The following NTRK2 variants were observed in gnomAD, a reference collection of about 807,000 sequenced individuals.
NTRK2 encodes the protein BDNF/NT-3 growth factors receptor.
Under a neutral mutation model 94.5 loss-of-function variants are expected in NTRK2, and 13 were observed. That is an observed-to-expected ratio of 0.14 (90% CI 0.09 to 0.22). NTRK2 has a LOEUF of 0.22. Ranked by LOEUF, NTRK2 falls within the 10% of genes least tolerant of loss-of-function variation. The pLI is 1.00. For missense variants in NTRK2, 639 were observed against 1,071.2 expected, an observed-to-expected ratio of 0.60 and a Z score of 5.63; for synonymous variants, 372 against 407.4, an observed-to-expected ratio of 0.91 and a Z score of 1.05.
chr9:84,784,635 C>T (rs1483655284), intron 12 of NTRK2, among the ~76,000 whole-genome samples: 5 of 152,222 alleles, frequency 3.3e-5, no homozygotes, highest in African/African-American at 1.2e-4. Flanking sequence ...TAAAACTCTT[C>T]ATTCACATGC....
intron 12 of NTRK2, among the ~76,000 whole-genome samples, chr9:84,817,008 C>T (rs1047921354): frequency 6.6e-6 from 1 of 152,080 alleles, no homozygotes. Flanking sequence ...TTCACTGCTC[C>T]GTGCTTCAAT....
At chr9:84,824,002 G>T (rs976838550) in intron 12 of NTRK2, among the ~76,000 whole-genome samples, 2 of 152,150 alleles carry the variant, frequency 1.3e-5, no homozygotes, top group Non-Finnish European at 2.9e-5. Flanking sequence ...CAGGACAGTG[G>T]GGGAGGAGCT....
intron 14 of NTRK2, among the ~76,000 whole-genome samples, chr9:84,902,440 G>A (rs1386080653): frequency 1.3e-5 from 2 of 152,142 alleles, no homozygotes. Flanking sequence ...GAGGGGAGGT[G>A]AAAATCTTTA....
At chr9:84,837,306 G>A (rs2073934412) in intron 12 of NTRK2, among the ~76,000 whole-genome samples, 2 of 152,084 alleles carry the variant, frequency 1.3e-5, no homozygotes, top group Admixed American at 1.3e-4. Flanking sequence ...AAACTAGGGG[G>A]TTTGGCTATG....
At chr9:84,966,035 ATTGG>A (rs1825520372) in intron 17 of NTRK2, among the ~76,000 whole-genome samples, 1 of 152,192 alleles carries the variant, frequency 6.6e-6, no homozygotes, top group Non-Finnish European at 1.5e-5. Flanking sequence ...TGATCATCCT[ATTGG>A]TGACCATAAG....
chr9:84,793,870 T>C (rs1254862454), intron 12 of NTRK2, among the ~76,000 whole-genome samples: 1 of 152,238 alleles, frequency 6.6e-6, no homozygotes, highest in East Asian at 1.9e-4. Context: ...TTACATATTG[T>C]CGATGCCTGC....
intron 12 of NTRK2, among the ~76,000 whole-genome samples, chr9:84,800,173 C>T (rs1472264587): frequency 6.6e-6 from 1 of 151,650 alleles, no homozygotes; most frequent in Non-Finnish European, 1.5e-5. Context: ...TCTAGAACAA[C>T]TGGAAGCCGA....
chr9:84,669,170 C>G (rs1416739698), upstream of NTRK2: 3 of 152,272 alleles, frequency 2.0e-5, no homozygotes, highest in Non-Finnish European at 4.4e-5. The surrounding 1 kb of genome is among the most constrained non-coding windows in gnomAD (Gnocchi z 4.1). Context: ...ATGCAGAACA[C>G]GTTTTGGTGT....
intron 14 of NTRK2, among the ~76,000 whole-genome samples, chr9:84,914,607 G>A (rs2077339708): frequency 1.3e-5 from 2 of 152,158 alleles, no homozygotes; most frequent in African/African-American, 2.4e-5. Context: ...TGTTGGATGC[G>A]GGTAGGAGTG....
chr9:84,715,443 TCA>T (rs1052694332), intron 6 of NTRK2, among the ~76,000 whole-genome samples: 1 of 152,178 alleles, frequency 6.6e-6, no homozygotes, highest in Admixed American at 6.5e-5. Context: ...TCAAAATGCC[TCA>T]CAATATTTTT....
intron 17 of NTRK2, among the ~76,000 whole-genome samples, chr9:84,974,770 A>T (rs577093079): frequency 6.6e-6 from 1 of 152,174 alleles, no homozygotes; most frequent in East Asian, 1.9e-4. Flanking sequence ...AGAACTTCCA[A>T]GTGGAGGTGC....
At chr9:84,839,623 C>T (rs890849732) in intron 12 of NTRK2, among the ~76,000 whole-genome samples, 1 of 152,146 alleles carries the variant, frequency 6.6e-6, no homozygotes, top group African/African-American at 2.4e-5. Flanking sequence ...TGTGCTGAAT[C>T]GGGCTGAGCG....
chr9:84,735,962 G>A (rs545634998), intron 9 of NTRK2, among the ~76,000 whole-genome samples: 153 of 152,326 alleles, frequency 1.0e-3, no homozygotes, highest in Middle Eastern at 3.4e-3. Context: ...GAAGAAACCT[G>A]AAGCCTTTGT....
intron 12 of NTRK2, among the ~76,000 whole-genome samples, chr9:84,797,485 T>C (rs370137562): frequency 7.4e-6 from 1 of 135,360 alleles, no homozygotes; most frequent in South Asian, 2.2e-4. Context: ...ATTACTTTAA[T>C]GTTTAAGTAA....
At chr9:84,701,138 C>G (rs2060694952) in intron 2 of NTRK2, among the ~76,000 whole-genome samples, 1 of 152,196 alleles carries the variant, frequency 6.6e-6, no homozygotes, top group Non-Finnish European at 1.5e-5. Flanking sequence ...GTTTGGATCA[C>G]TAGGGACTTT....
At chr9:84,757,391 T>C (rs1376499901) in intron 12 of NTRK2, among the ~76,000 whole-genome samples, 1 of 152,212 alleles carries the variant, frequency 6.6e-6, no homozygotes, top group East Asian at 1.9e-4. Flanking sequence ...CATAAGGAAA[T>C]TATAATACCA....
In NTRK2 at chr9:85,023,917, T is replaced by C. The variant is rs979207969; in HGVS notation, c.*2480T>C. The C allele has an allele frequency of 2.6e-5, 6 of 229,970 alleles. No individual in the cohort carries two copies. Among genetic ancestry groups the C allele is most frequent in the African/African-American group, 8.8e-5 (4 of 45,264 alleles). 14.2% of individuals were successfully genotyped at this position (229,970 alleles called of 1,614,324 possible). A position where few individuals can be genotyped will look rare whatever the true frequency, so the allele number is the denominator to read the frequency against. On this transcript the variant is annotated 3_prime_UTR_variant, in exon 19 of 19. Coordinates refer to ENST00000277120, the MANE Select transcript of NTRK2 (RefSeq NM_006180.6). The stretch of plus-strand genomic sequence containing the variant: ...TTAAGGGATCAAATTCAAGGAGGAA[T>C]GTGCAATTTTAGAGCAAAGATTTGT...
chr9:84,954,531 CAA>C (rs1481149302), intron 16 of NTRK2, among the ~76,000 whole-genome samples: 2 of 152,212 alleles, frequency 1.3e-5, no homozygotes, highest in East Asian at 3.9e-4. Flanking sequence ...GGCTGTGGTT[CAA>C]AAGAGTTCTC....
intron 2 of NTRK2, among the ~76,000 whole-genome samples, chr9:84,692,197 A>G (rs895123098): frequency 2.0e-5 from 3 of 152,142 alleles, no homozygotes; most frequent in African/African-American, 7.2e-5. Context: ...TGTAAAATAT[A>G]CAATTATATT....
Sources: gnomAD v4.1 joint callset for allele counts (sites outside exome capture counted in the v4.1 genomes callset) on GRCh38, gnomAD v4.1.1 for gene constraint, Gnocchi (gnomAD v3.1) non-coding constraint, MANE v1.5 for transcripts, NCBI Gene and HGNC (gene_info 2026-07-23, HGNC 2026-07-21) for gene names.